The following PTPRN2 variants were observed in gnomAD, a reference collection of about 807,000 sequenced individuals.
The protein encoded by PTPRN2 is receptor-type tyrosine-protein phosphatase N2.
PTPRN2 carries 74 observed loss-of-function variants against 118.8 expected under a neutral mutation model. The observed-to-expected ratio is 0.62, with a 90% CI of 0.52 to 0.76. The LOEUF (loss-of-function observed/expected upper bound fraction) is 0.76. Ranked by LOEUF, PTPRN2 falls within the 30% of genes least tolerant of loss-of-function variation. PTPRN2 has a pLI of 0.00. For missense variants in PTPRN2, 1,481 were observed against 1,394.4 expected (o/e 1.06, Z -0.99); for synonymous variants, 641 against 608.0 (o/e 1.05, Z -0.80).
In PTPRN2 at chr7:158,093,994, T is replaced by C. The variant is rs1814421468; in HGVS notation, c.1644-12617A>G. Among the ~76,000 whole-genome samples, 1 of 152,248 alleles carries C rather than the reference T, an allele frequency of 6.6e-6. No homozygotes were observed. ...GTGCAGATTGTATCTTCTTTGCAAT[T>C]ACTTTGCCATTACATGGGATTTGGG... is the stretch of plus-strand genomic sequence containing the variant. On this transcript the variant is annotated intron_variant, in intron 10 of 22. Transcript: ENST00000389418. This position sits in a 1 kb window ranked among gnomAD's most constrained non-coding sequence, Gnocchi z 4.4.
intron 2 of PTPRN2, among the ~76,000 whole-genome samples, chr7:158,320,865 T>C (rs1802955795): frequency 6.6e-6 from 1 of 152,142 alleles, no homozygotes; most frequent in Non-Finnish European, 1.5e-5. Flanking sequence ...TTTAAGGGGA[T>C]ACTGGATTCC....
chr7:158,312,932 G>C (rs1385472437), intron 3 of PTPRN2, among the ~76,000 whole-genome samples: 1 of 151,302 alleles, frequency 6.6e-6, no homozygotes, highest in African/African-American at 2.4e-5. Context: ...ATGTCAGCAT[G>C]TCAATGAGTG....
chr7:157,545,968 G>C (rs975092501), intron 22 of PTPRN2, among the ~76,000 whole-genome samples: 7 of 152,172 alleles, frequency 4.6e-5, no homozygotes, highest in South Asian at 2.1e-4. Flanking sequence ...TGAACTTGTA[G>C]GGGAAGTTTA....
rs1392053681 is a variant in PTPRN2 at position 157,982,237 on chromosome 7, T to TA, written c.1724-83501_1724-83500insT. Among the ~76,000 whole-genome samples, 201 of 114,862 alleles carry TA rather than the reference T, an allele frequency of 1.7e-3. 1 individual carries two copies. The highest frequency in any genetic ancestry group is 4.3e-3 in the African/African-American group (122 of 28,406). 75.4% of individuals were successfully genotyped at this position (114,862 alleles called of 152,430 possible). On this transcript the variant is annotated intron_variant, in intron 11 of 22. Transcript: ENST00000389418. Reference sequence around the variant, plus strand: ...CAGAGATGAGGAGGGGAATGCAGAGTGCGGGGTCCCCCCAAACCCCGAGTC... The same window carrying TA: ...CAGAGATGAGGAGGGGAATGCAGAGTAGCGGGGTCCCCCCAAACCCCGAGTC...
At chr7:157,562,768 C>T in intron 21 of PTPRN2, among the ~76,000 whole-genome samples, 1 of 147,102 alleles carries the variant, frequency 6.8e-6, no homozygotes, top group African/African-American at 2.5e-5. Flanking sequence ...CCACACACAG[C>T]AGATCAGGAC....
intron 5 of PTPRN2, among the ~76,000 whole-genome samples, chr7:158,168,336 C>T (rs1210462924): frequency 6.6e-6 from 1 of 152,244 alleles, no homozygotes; most frequent in African/African-American, 2.4e-5. Context: ...AGAGGAGCTG[C>T]TCCCAGACAC....
rs371752338 is a variant in PTPRN2 at position 158,517,902 on chromosome 7, C to G, written c.113-28117G>C. The stretch of plus-strand genomic sequence containing the variant: ...CACTGCAGAAAAACCTTCCCTCCCC[C>G]CCAGTCTGACTAGAGTCCACTCATT... On this transcript the variant is annotated intron_variant, in intron 1 of 22. Transcript: ENST00000389418. This position sits in a 1 kb window ranked among gnomAD's most constrained non-coding sequence, Gnocchi z 5.3. 6.4e-4 allele frequency among the ~76,000 whole-genome samples: 98 copies of G among 152,348 alleles called. No individual in the cohort carries two copies. The highest frequency in any genetic ancestry group is 2.2e-3 in the African/African-American group (93 of 41,584).
At chr7:158,372,235 CG>C (rs1563212897) in intron 2 of PTPRN2, among the ~76,000 whole-genome samples, 1 of 140,546 alleles carries the variant, frequency 7.1e-6, no homozygotes, top group Admixed American at 7.0e-5. Context: ...GGCTGGACCC[CG>C]GAGCTGGCCT....
At chr7:157,604,709 G>C (rs558523866) in intron 15 of PTPRN2, among the ~76,000 whole-genome samples, 2 of 152,380 alleles carry the variant, frequency 1.3e-5, no homozygotes, top group African/African-American at 4.8e-5. Context: ...GAGGAAAAAT[G>C]TACTGGTGGA....
rs1416787476 is a variant in PTPRN2 at position 157,776,874 on chromosome 7, TCCCTCTCCTCCTCC to T, written c.1789-93951_1789-93938del. ...CTCCTCCTCCTCCCTCTCCTCCTCC[TCCCTCTCCTCCTCC>T]ATCTCCTCCTCCTTCTCCCCCTCCT... is the stretch of plus-strand genomic sequence containing the variant. On this transcript the variant is annotated intron_variant, in intron 12 of 22. Coordinates refer to ENST00000389418, the MANE Select transcript of PTPRN2 (RefSeq NM_002847.5). Among the ~76,000 whole-genome samples, 703 of 97,502 alleles carry T rather than the reference TCCCTCTCCTCCTCC, an allele frequency of 7.2e-3. 12 individuals are homozygous for T. The highest frequency in any genetic ancestry group is 0.027 in the African/African-American group (647 of 24,154). 64.0% of individuals were successfully genotyped at this position (97,502 alleles called of 152,430 possible). A position where few individuals can be genotyped will look rare whatever the true frequency, so the allele number is the denominator to read the frequency against.
At position 158,372,309 on chromosome 7, in the gene PTPRN2, C is replaced by T. The variant is rs113433465; in HGVS notation, c.164-55377G>A. 2.7e-3 allele frequency among the ~76,000 whole-genome samples: 389 copies of T among 144,254 alleles called. 7 individuals are homozygous for T. Among genetic ancestry groups the T allele is most frequent in the African/African-American group, 9.4e-3 (356 of 37,756 alleles). The allele number at this position is 144,254 out of a possible 152,430, so 94.6% of individuals were successfully genotyped here. On this transcript the variant is annotated intron_variant, in intron 2 of 22. Transcript: ENST00000389418. ...TGGTCCCCGGAGCTGGTCCCCCCAA[C>T]GCTGGTCCCCGGAGCTGGTCCCCCC...
intron 3 of PTPRN2, among the ~76,000 whole-genome samples, chr7:158,298,314 C>T (rs557028850): frequency 5.3e-5 from 8 of 152,058 alleles, no homozygotes; most frequent in Non-Finnish European, 1.2e-4. Flanking sequence ...GTTTCAGGCA[C>T]ACAAAAAGGA....
chr7:158,422,857 A>C (rs1377373), intron 2 of PTPRN2, among the ~76,000 whole-genome samples: 76,300 of 152,178 alleles, frequency 0.5, 19,803 homozygotes, highest in African/African-American at 0.58. Context: ...GCCAGCTCAC[A>C]GGAGCTCAAG....
intron 11 of PTPRN2, among the ~76,000 whole-genome samples, chr7:158,017,820 C>T (rs1455437734): frequency 6.6e-6 from 1 of 152,176 alleles, no homozygotes; most frequent in Non-Finnish European, 1.5e-5. Flanking sequence ...GGATTTCACA[C>T]ACGCACAAGG....
Position 158,342,974 on chromosome 7 carries a change from A to G in PTPRN2, c.164-26042T>C, listed in dbSNP as rs374583406. Among the ~76,000 whole-genome samples, 7 of 152,312 alleles carry G rather than the reference A, an allele frequency of 4.6e-5. 1 individual carries two copies. The South Asian group carries it at 1.5e-3, about 32-fold the overall frequency. On this transcript the variant is annotated intron_variant, in intron 2 of 22. Transcript: ENST00000389418. ...TCTTTTCAGCCAGCACATGCCGATG[A>G]CCAGCTCTGCGTTGCAGTGAGCTGA...
rs925467540 is a variant in PTPRN2 at position 157,990,590 on chromosome 7, A to G, written c.1723+90708T>C. On this transcript the variant is annotated intron_variant, in intron 11 of 22. Transcript: ENST00000389418. The surrounding 1 kb of genome is among the most constrained non-coding windows in gnomAD (Gnocchi z 4.3). ...AAGGCAAGGGAGGAGACATCGGTGG[A>G]TGGGGGAGCAGGGCAGGCTGGGGGT... 6.6e-5 allele frequency among the ~76,000 whole-genome samples: 10 copies of G among 152,114 alleles called. No individual in the cohort carries two copies. Among genetic ancestry groups the G allele is most frequent in the South Asian group, 4.2e-4 (2 of 4,816 alleles).
intron 11 of PTPRN2, among the ~76,000 whole-genome samples, chr7:158,023,933 C>T (rs1192483837): frequency 6.6e-6 from 1 of 152,000 alleles, no homozygotes; most frequent in African/African-American, 2.4e-5. Flanking sequence ...CGCAGGCACA[C>T]ACATGCAGAC....
chr7:158,283,148 A>G lies in PTPRN2; in HGVS notation c.277+33671T>C, dbSNP rs549010854. On this transcript the variant is annotated intron_variant, in intron 3 of 22. Coordinates refer to ENST00000389418, the MANE Select transcript of PTPRN2 (RefSeq NM_002847.5). ...GGGGAAGACGCATTCGACAACACGC[A>G]TGAAAAAAAACACTTCTTGTTACGT... Among the ~76,000 whole-genome samples the G allele has an allele frequency of 5.3e-5, 8 of 152,328 alleles. No individual in the cohort carries two copies. The South Asian group carries it at 6.2e-4, about 12-fold the overall frequency.
intron 6 of PTPRN2, among the ~76,000 whole-genome samples, chr7:158,149,659 C>T (rs1245863931): frequency 2.6e-5 from 4 of 152,000 alleles, no homozygotes; most frequent in African/African-American, 7.2e-5. Context: ...CAAAAATGAC[C>T]CAGGCGTGGT....
Sources: gnomAD v4.1 joint callset for allele counts (sites outside exome capture counted in the v4.1 genomes callset) on GRCh38, gnomAD v4.1.1 for gene constraint, Gnocchi (gnomAD v3.1) non-coding constraint, MANE v1.5 for transcripts, NCBI Gene and HGNC (gene_info 2026-07-23, HGNC 2026-07-21) for gene names.